The following HTR4 variants were observed in gnomAD, a reference collection of about 807,000 sequenced individuals.
The protein encoded by HTR4 is 5-hydroxytryptamine (serotonin) receptor 4, G protein-coupled.
Under a neutral mutation model 36.8 loss-of-function variants are expected in HTR4, and 16 were observed. The ratio of observed to expected loss-of-function variants is 0.43; its 90% CI spans 0.29 to 0.66. HTR4 has a LOEUF of 0.66. Among genes scored for constraint, HTR4 ranks in the 30% least tolerant of loss-of-function variants. The pLI is 0.13. For synonymous variants in HTR4, 189 were observed against 185.1 expected, an observed-to-expected ratio of 1.02 and a Z score of -0.17; for missense variants, 438 against 490.9, an observed-to-expected ratio of 0.89 and a Z score of 1.02.
intron 2 of HTR4, among the ~76,000 whole-genome samples, chr5:148,623,045 A>G (rs750436691): frequency 3.3e-5 from 5 of 152,180 alleles, no homozygotes; most frequent in Non-Finnish European, 5.9e-5. Flanking sequence ...GTAAATGTGA[A>G]TGAGAAAAAG....
chr5:148,577,934 T>G (rs1337642874), intron 2 of HTR4, among the ~76,000 whole-genome samples: 1 of 151,886 alleles, frequency 6.6e-6, no homozygotes, highest in African/African-American at 2.4e-5. Flanking sequence ...AGTTTACCTA[T>G]GTAACAAACC....
chr5:148,647,635 G>A (rs1251508655), intron 1 of HTR4, among the ~76,000 whole-genome samples: 2 of 152,162 alleles, frequency 1.3e-5, no homozygotes. Flanking sequence ...GATCACCTGA[G>A]CTCGGGAGTT....
chr5:148,466,418 G>A (rs911496996), intron 5 of HTR4, among the ~76,000 whole-genome samples: 1 of 152,094 alleles, frequency 6.6e-6, no homozygotes, highest in African/African-American at 2.4e-5. Context: ...AATACAAACC[G>A]CTGTGGCTTG....
Position 148,532,119 on chromosome 5 carries a change from C to T in HTR4, c.354-8773G>A, listed in dbSNP as rs181535958. On this transcript the variant is annotated intron_variant, in intron 4 of 6. Coordinates refer to ENST00000377888, the MANE Select transcript of HTR4 (RefSeq NM_000870.7). ...GTCCTCTGTATGTGCTATAACATGT[C>T]GTTATCTCTTAAGAGTGGGGTGCCA... 1.2e-3 allele frequency among the ~76,000 whole-genome samples: 186 copies of T among 152,238 alleles called. 1 individual carries two copies. Among genetic ancestry groups the T allele is most frequent in the Admixed American group, 3.5e-3 (54 of 15,272 alleles).
intron 2 of HTR4, among the ~76,000 whole-genome samples, chr5:148,615,708 G>T (rs79441862): frequency 0.013 from 1,877 of 145,520 alleles, 13 homozygotes; most frequent in East Asian, 0.048. Context: ...AAGAAAGAAA[G>T]AAATAAAATA....
chr5:148,492,676 C>T (rs1175715236), intron 6 of HTR4, among the ~76,000 whole-genome samples: 1 of 152,200 alleles, frequency 6.6e-6, no homozygotes, highest in African/African-American at 2.4e-5. Context: ...TATCCCTGAA[C>T]GGATGTTATC....
At chr5:148,605,753 A>G (rs1476057472) in intron 2 of HTR4, among the ~76,000 whole-genome samples, 1 of 152,160 alleles carries the variant, frequency 6.6e-6, no homozygotes, top group African/African-American at 2.4e-5. Flanking sequence ...GATTTAAAAA[A>G]AAAAAAAATC....
chr5:148,639,653 G>T lies in HTR4; in HGVS notation c.-47-2592C>A, dbSNP rs186387833. Among the ~76,000 whole-genome samples the T allele has an allele frequency of 3.2e-3, 292 of 90,996 alleles. 4 individuals are homozygous for T. The highest frequency in any genetic ancestry group is 0.012 in the African/African-American group (266 of 21,296). The allele number at this position is 90,996 out of a possible 152,430, so 59.7% of individuals were successfully genotyped here. On this transcript the variant is annotated intron_variant, in intron 1 of 6. Transcript: ENST00000377888. ...TATATATATATATATATAGTCAATTGCTTCTTTATTTGTGATCTGTCTTGC... is the reference window on the plus strand; with the variant it reads ...TATATATATATATATATAGTCAATTTCTTCTTTATTTGTGATCTGTCTTGC...
At chr5:148,488,414 T>C (rs1756263946) in intron 6 of HTR4, among the ~76,000 whole-genome samples, 1 of 152,202 alleles carries the variant, frequency 6.6e-6, no homozygotes, top group Non-Finnish European at 1.5e-5. Context: ...AGGATAAAGC[T>C]AAATTTTAAT....
intron 6 of HTR4, among the ~76,000 whole-genome samples, chr5:148,484,947 A>G (rs776763331): frequency 3.9e-5 from 6 of 152,132 alleles, no homozygotes; most frequent in Non-Finnish European, 8.8e-5. Context: ...ATCTATTTAG[A>G]GAAAAAACAA....
At chr5:148,512,437 A>C (rs1387086884) in intron 5 of HTR4, among the ~76,000 whole-genome samples, 1 of 152,084 alleles carries the variant, frequency 6.6e-6, no homozygotes, top group Non-Finnish European at 1.5e-5. Flanking sequence ...ATTAAGTTGT[A>C]ACTCTCTTTC....
At chr5:148,562,966 C>T (rs1431196083) in intron 2 of HTR4, among the ~76,000 whole-genome samples, 1 of 152,206 alleles carries the variant, frequency 6.6e-6, no homozygotes, top group Non-Finnish European at 1.5e-5. Flanking sequence ...TCCATCATTT[C>T]TCACATACAA....
intron 4 of HTR4, among the ~76,000 whole-genome samples, chr5:148,547,566 T>TAAAATAAAATAAAATAAAAA (rs368015401): frequency 8.8e-6 from 1 of 113,228 alleles, no homozygotes; most frequent in African/African-American, 3.2e-5. Context: ...TAAAATAAAA[T>TAAAATAAAATAAAATAAAAA]AAATAAATAA....
intron 4 of HTR4, among the ~76,000 whole-genome samples, chr5:148,529,174 C>T (rs1244985157): frequency 6.6e-6 from 1 of 151,984 alleles, no homozygotes; most frequent in African/African-American, 2.4e-5. Flanking sequence ...CACTCAGCTG[C>T]CTCTCCCATT....
chr5:148,459,618 C>T (rs1437502870), intron 5 of HTR4, among the ~76,000 whole-genome samples: 3 of 152,132 alleles, frequency 2.0e-5, no homozygotes, highest in Admixed American at 6.5e-5. Context: ...ACAAACCATT[C>T]CCCTCCCCGC....
intron 5 of HTR4, among the ~76,000 whole-genome samples, chr5:148,521,839 C>T (rs189026743): frequency 7.4e-4 from 113 of 152,228 alleles, no homozygotes; most frequent in African/African-American, 2.7e-3. Context: ...GCTTAGTTCT[C>T]TCAACTTCTA....
At chr5:148,590,514 A>G (rs1761524105) in intron 2 of HTR4, among the ~76,000 whole-genome samples, 1 of 150,614 alleles carries the variant, frequency 6.6e-6, no homozygotes, top group South Asian at 2.1e-4. Context: ...TTTTATTTTT[A>G]CAGAACAGCA....
intron 2 of HTR4, among the ~76,000 whole-genome samples, chr5:148,559,675 G>A (rs566322641): frequency 2.6e-5 from 4 of 152,196 alleles, no homozygotes; most frequent in African/African-American, 7.2e-5. Context: ...GAACGATCAG[G>A]ACTTGTTCAA....
intron 2 of HTR4, among the ~76,000 whole-genome samples, chr5:148,614,419 C>G (rs1051445784): frequency 2.0e-5 from 3 of 152,136 alleles, no homozygotes; most frequent in African/African-American, 7.2e-5. Context: ...TTGAGAAAAA[C>G]AAGCAATGGG....
Sources: gnomAD v4.1 joint callset for allele counts (sites outside exome capture counted in the v4.1 genomes callset) on GRCh38, gnomAD v4.1.1 for gene constraint, MANE v1.5 for transcripts, NCBI Gene and HGNC (gene_info 2026-07-23, HGNC 2026-07-21) for gene names.